CDH13: variants seen among roughly 807,000 people sequenced by gnomAD.
CDH13 encodes the protein cadherin 13, also known as cadherin-13.
Under a neutral mutation model 63.8 loss-of-function variants are expected in CDH13, and 24 were observed. The ratio of observed to expected loss-of-function variants is 0.38; its 90% CI spans 0.27 to 0.53. The LOEUF is 0.53. Among genes scored for constraint, CDH13 ranks in the 20% least tolerant of loss-of-function variants. CDH13 has a pLI of 0.85. For missense variants in CDH13, 1,049 were observed against 903.1 expected (o/e 1.16, Z -2.07); for synonymous variants, 503 against 355.3 (o/e 1.42, Z -4.67).
intron 2 of CDH13, among the ~76,000 whole-genome samples, chr16:82,881,240 T>C (rs1286289844): frequency 2.6e-5 from 4 of 152,152 alleles, no homozygotes; most frequent in Non-Finnish European, 4.4e-5. Context: ...GCATAGGGGT[T>C]CAAGCTCCCA....
intron 2 of CDH13, among the ~76,000 whole-genome samples, chr16:83,000,218 AGCTTATTTTTTTTTTT>A (rs1912717156): frequency 2.0e-5 from 1 of 50,184 alleles, no homozygotes. Context: ...CCACAGGTTT[AGCTTATTTTTTTTTTT>A]TTTTTTTTTT....
intron 4 of CDH13, among the ~76,000 whole-genome samples, chr16:83,135,287 C>T (rs2151664405): frequency 6.6e-6 from 1 of 152,300 alleles, no homozygotes. Context: ...GACCCAAAAC[C>T]AAGACTCTTC....
At chr16:83,053,250 C>G (rs186534439) in intron 3 of CDH13, among the ~76,000 whole-genome samples, 1 of 152,144 alleles carries the variant, frequency 6.6e-6, no homozygotes, top group East Asian at 1.9e-4. Flanking sequence ...CTGGCTTTAG[C>G]TGTAACTTAA....
intron 7 of CDH13, among the ~76,000 whole-genome samples, chr16:83,542,535 A>G (rs183536909): frequency 6.6e-5 from 10 of 152,222 alleles, no homozygotes; most frequent in Non-Finnish European, 1.3e-4. Flanking sequence ...ATCATAAACT[A>G]AGTGGCTTAC....
chr16:83,120,328 G>A (rs1028709623), intron 3 of CDH13, among the ~76,000 whole-genome samples: 1 of 152,218 alleles, frequency 6.6e-6, no homozygotes, highest in Non-Finnish European at 1.5e-5. Context: ...GTAGGATGGG[G>A]ATGGGATTCA....
At chr16:83,226,248 T>A (rs1044267339) in intron 5 of CDH13, among the ~76,000 whole-genome samples, 1 of 152,164 alleles carries the variant, frequency 6.6e-6, no homozygotes, top group Non-Finnish European at 1.5e-5. Context: ...AACTGAGGCA[T>A]GAAGAGGTTA....
intron 6 of CDH13, among the ~76,000 whole-genome samples, chr16:83,470,787 T>C (rs1349100397): frequency 6.6e-6 from 1 of 152,190 alleles, no homozygotes; most frequent in Non-Finnish European, 1.5e-5. Flanking sequence ...TAGTATGAGC[T>C]TCCTTTTGTG....
chr16:83,251,896 C>G (rs1254540395), intron 5 of CDH13, among the ~76,000 whole-genome samples: 7 of 151,998 alleles, frequency 4.6e-5, no homozygotes, highest in Non-Finnish European at 8.8e-5. Flanking sequence ...TTCCCCTCAC[C>G]AAGCTGAGCT....
intron 1 of CDH13, among the ~76,000 whole-genome samples, chr16:82,736,233 G>A (rs1387130140): frequency 1.3e-5 from 2 of 152,092 alleles, no homozygotes; most frequent in Non-Finnish European, 2.9e-5. Flanking sequence ...GGGTGTAATG[G>A]GCACCTGGGT....
At chr16:82,711,137 T>C (rs2031909944) in intron 1 of CDH13, among the ~76,000 whole-genome samples, 1 of 152,068 alleles carries the variant, frequency 6.6e-6, no homozygotes, top group African/African-American at 2.4e-5. Context: ...TAAATAGGAA[T>C]GAACATGAAA....
At chr16:82,660,302 T>C (rs1013829272) in intron 1 of CDH13, among the ~76,000 whole-genome samples, 56 of 152,068 alleles carry the variant, frequency 3.7e-4, no homozygotes, top group African/African-American at 1.2e-3. Flanking sequence ...GTGGGGAGCA[T>C]GGAAATTGGG....
At chr16:83,008,204 T>G (rs2151432584) in intron 2 of CDH13, among the ~76,000 whole-genome samples, 1 of 152,228 alleles carries the variant, frequency 6.6e-6, no homozygotes, top group East Asian at 1.9e-4. Context: ...ATGGGATACG[T>G]TTTAATAATA....
intron 11 of CDH13, among the ~76,000 whole-genome samples, chr16:83,778,216 T>C (rs1915254703): frequency 6.6e-6 from 1 of 152,232 alleles, no homozygotes; most frequent in African/African-American, 2.4e-5. Flanking sequence ...TTTATTAACA[T>C]TGTTTAATGT....
chr16:83,790,976 A>G (rs959576724), intron 13 of CDH13, among the ~76,000 whole-genome samples: 3 of 152,178 alleles, frequency 2.0e-5, no homozygotes, highest in African/African-American at 7.2e-5. Context: ...AAATGTCTCT[A>G]TATGGAGGGT....
intron 5 of CDH13, among the ~76,000 whole-genome samples, chr16:83,270,418 A>G (rs1349024305): frequency 1.3e-5 from 2 of 152,230 alleles, no homozygotes; most frequent in East Asian, 1.9e-4. Flanking sequence ...TCTGAGAATT[A>G]CAACCATTGC....
chr16:83,591,390 T>A (rs1272935664), intron 7 of CDH13, among the ~76,000 whole-genome samples: 1 of 152,242 alleles, frequency 6.6e-6, no homozygotes, highest in Non-Finnish European at 1.5e-5. Context: ...TACTTCCTTG[T>A]CTGAATCTAA....
intron 3 of CDH13, among the ~76,000 whole-genome samples, chr16:83,039,464 G>A (rs1917150269): frequency 6.6e-6 from 1 of 152,040 alleles, no homozygotes; most frequent in African/African-American, 2.4e-5. Context: ...TCCCCTACTG[G>A]TCTCACTCTT....
At chr16:83,314,982 C>T (rs145671491) in intron 5 of CDH13, among the ~76,000 whole-genome samples, 7 of 152,236 alleles carry the variant, frequency 4.6e-5, no homozygotes, top group Non-Finnish European at 1.0e-4. Flanking sequence ...GTGGGCAGAA[C>T]GGAGTTTGAA....
rs1238102261 is a variant in CDH13 at position 83,158,723 on chromosome 16, G to C, written c.483+33222G>C. Among the ~76,000 whole-genome samples the C allele has an allele frequency of 2.0e-5, 3 of 152,222 alleles. No individual in the cohort carries two copies. The East Asian group carries it at 5.8e-4, about 29-fold the overall frequency. ...GCTGCAGCTGCTCCATGGCCAGGAA[G>C]GTGCCCAGCTGGGTCGCACCCTTGC... On this transcript the variant is annotated intron_variant, in intron 4 of 13. Transcript: ENST00000567109.
Sources: allele counts gnomAD v4.1 joint callset (sites outside exome capture counted in the v4.1 genomes callset), GRCh38; gene constraint gnomAD v4.1.1; transcripts MANE v1.5; gene names NCBI Gene and HGNC (gene_info 2026-07-23, HGNC 2026-07-21).